The following GRHL2 variants were observed in gnomAD, a reference collection of about 807,000 sequenced individuals.
The protein encoded by GRHL2 is grainyhead like transcription factor 2.
A neutral mutation model predicts 83.8 loss-of-function variants in GRHL2; 21 were observed. That is an observed-to-expected ratio of 0.25 (90% CI 0.18 to 0.36). The LOEUF (loss-of-function observed/expected upper bound fraction) is 0.36, where lower values mean the gene tolerates loss of function less well. Ranked by LOEUF, GRHL2 falls within the 10% of genes least tolerant of loss-of-function variation. The probability of loss-of-function intolerance (pLI) is 1.00; values close to 1 mark genes in which losing one functional copy is unlikely to be tolerated. For missense variants in GRHL2, 623 were observed against 781.8 expected (o/e 0.80, Z 2.42); for synonymous variants, 280 against 278.9 (o/e 1.00, Z -0.04).
intron 2 of GRHL2, among the ~76,000 whole-genome samples, chr8:101,547,204 A>G (rs1015638383): frequency 6.7e-6 from 1 of 149,458 alleles, no homozygotes; most frequent in African/African-American, 2.5e-5. Context: ...TTCTGTAGTC[A>G]AGTGAAATGT....
chr8:101,671,111 A>T (rs554211488), downstream of GRHL2, among the ~76,000 whole-genome samples: 6 of 152,282 alleles, frequency 3.9e-5, no homozygotes, highest in East Asian at 1.2e-3. Context: ...ACGACGGTTG[A>T]TTTCTGTATT....
intron 7 of GRHL2, among the ~76,000 whole-genome samples, chr8:101,592,205 A>G (rs909177195): frequency 6.8e-6 from 1 of 146,880 alleles, no homozygotes; most frequent in Non-Finnish European, 1.5e-5. Flanking sequence ...CCCGGGTTCA[A>G]GCAATTCTCC....
Position 101,608,828 on chromosome 8 carries a change from T to A in GRHL2, c.1098+9677T>A, listed in dbSNP as rs1266074238. ...AGCATGTAGAGAGGTCCTCTTTCTGTGGGATCAGGAAGACACAAGGAAGGA... is the reference window on the plus strand; with the variant it reads ...AGCATGTAGAGAGGTCCTCTTTCTGAGGGATCAGGAAGACACAAGGAAGGA... On this transcript the variant is annotated intron_variant, in intron 8 of 15. Transcript: ENST00000646743. Among the ~76,000 whole-genome samples, 4 of 147,900 alleles carry A rather than the reference T, an allele frequency of 2.7e-5. 1 individual carries two copies. Among genetic ancestry groups the A allele is most frequent in the African/African-American group, 1.0e-4 (4 of 38,214 alleles).
rs551327682 is a variant in GRHL2, at chr8:101,649,451, C to T, written c.1650C>T (p.Phe550=). 5.6e-6 allele frequency: 9 copies of T among 1,613,972 alleles called. No individual in the cohort carries two copies. The highest frequency in any genetic ancestry group is 2.2e-5 in the East Asian group (1 of 44,870). Residue 550 remains phenylalanine, a synonymous_variant, in exon 14 of 16, where the codon TTC becomes TTT. Transcript: ENST00000646743. ...LYVRKETDDV[F]DALMLKSPTV... ...TGAGGAAGGAGACTGACGATGTGTT[C>T]GATGCATTGATGTTGAAGTCTCCCA...
intron 1 of GRHL2, among the ~76,000 whole-genome samples, chr8:101,506,516 A>G (rs1490536148): frequency 1.3e-5 from 2 of 152,200 alleles, no homozygotes; most frequent in African/African-American, 4.8e-5. Context: ...GTACTTTACC[A>G]ATCCCTTAAG....
intron 2 of GRHL2, 76 bp from the exon 3 acceptor site, chr8:101,552,636 GCTT>G: frequency 7.3e-7 from 1 of 1,366,708 alleles, no homozygotes; most frequent in Admixed American, 1.7e-5. Flanking sequence ...TGGTTTCTTT[GCTT>G]ATGCCGGTGT....
intron 12 of GRHL2, among the ~76,000 whole-genome samples, chr8:101,642,752 AT>A (rs1189799531): frequency 6.6e-6 from 1 of 152,188 alleles, no homozygotes; most frequent in Non-Finnish European, 1.5e-5. Flanking sequence ...ACCCTTCCTC[AT>A]TATCTCAGGG....
In GRHL2 at chr8:101,667,203, C is replaced by A. The variant is rs1814088606; in HGVS notation, c.*500C>A. The A allele has an allele frequency of 4.9e-6, 1 of 202,184 alleles. No individual in the cohort carries two copies. The highest frequency in any genetic ancestry group is 1.0e-5 in the Non-Finnish European group (1 of 97,270). The allele number at this position is 202,184 out of a possible 1,614,324, so 12.5% of individuals were successfully genotyped here. On this transcript the variant is annotated 3_prime_UTR_variant, in exon 16 of 16. Transcript: ENST00000646743. ...TGGATGCCCACTTTCTGGTCAGACA[C>A]CTTTAGGTTGCTCTGGGGAAGGCTG...
At position 101,598,691 on chromosome 8, in the gene GRHL2, C is replaced by T. The variant is rs558122856; in HGVS notation, c.1004-366C>T. 7.0e-4 allele frequency among the ~76,000 whole-genome samples: 102 copies of T among 145,546 alleles called. 1 individual carries two copies. Among genetic ancestry groups the T allele is most frequent in the South Asian group, 1.3e-3 (6 of 4,512 alleles). ...AAATTCCATATGAAGTACCCTGGTA[C>T]TTCTAGCAAAATTAAGTGGCAGAAA... On this transcript the variant is annotated intron_variant, in intron 7 of 15. Transcript: ENST00000646743.
chr8:101,542,711 C>T (rs1326184374), intron 1 of GRHL2: 1 of 456,058 alleles, frequency 2.2e-6, no homozygotes, highest in Admixed American at 2.4e-5. Context: ...GCTCACAATT[C>T]TGGAGGCCCA....
chr8:101,516,217 G>A (rs1312444988), intron 1 of GRHL2, among the ~76,000 whole-genome samples: 1 of 151,852 alleles, frequency 6.6e-6, no homozygotes, highest in Admixed American at 6.6e-5. Context: ...ACTGCCTCTG[G>A]GCTGCAGACA....
rs184141990 is a variant in GRHL2 at position 101,614,534 on chromosome 8, A to G, written c.1099-5005A>G. The stretch of plus-strand genomic sequence containing the variant: ...ACGGCATTTATACATCCTTTACATA[A>G]TCAAGGCTTCCACCGAAGTGAAAAA... On this transcript the variant is annotated intron_variant, in intron 8 of 15. Transcript: ENST00000646743. 2.3e-4 allele frequency among the ~76,000 whole-genome samples: 33 copies of G among 143,036 alleles called. No individual in the cohort carries two copies. In the South Asian group the frequency reaches 3.9e-3, roughly 17 times the overall value. 93.8% of individuals were successfully genotyped at this position (143,036 alleles called of 152,430 possible).
chr8:101,514,970 CCTTTT>C (rs1810540168), intron 1 of GRHL2, among the ~76,000 whole-genome samples: 1 of 150,864 alleles, frequency 6.6e-6, no homozygotes, highest in African/African-American at 2.4e-5. Flanking sequence ...TCTTTCCCTT[CCTTTT>C]CTTCTTTCCT....
At position 101,590,322 on chromosome 8, in the gene GRHL2, A is replaced by G. The variant is rs113243668; in HGVS notation, c.1004-8735A>G. 7.3e-3 allele frequency among the ~76,000 whole-genome samples: 1,118 copies of G among 152,298 alleles called. 17 individuals are homozygous for G. Among genetic ancestry groups the G allele is most frequent in the African/African-American group, 0.025 (1,038 of 41,552 alleles). On this transcript the variant is annotated intron_variant, in intron 7 of 15. Transcript: ENST00000646743. ...CTGCTTTGATTTTGAAAACAGACAAAAAAATCTCAGAATCTACTTGGACTA... is the reference window on the plus strand; with the variant it reads ...CTGCTTTGATTTTGAAAACAGACAAGAAAATCTCAGAATCTACTTGGACTA...
intron 14 of GRHL2, among the ~76,000 whole-genome samples, chr8:101,658,416 CTCTAA>C (rs2129742897): frequency 1.3e-5 from 2 of 152,332 alleles, no homozygotes; most frequent in Non-Finnish European, 2.9e-5. Context: ...AGCCTCAGTT[CTCTAA>C]TCTGAGAGAC....
intron 2 of GRHL2, chr8:101,543,804 T>A (rs1410267695): frequency 3.5e-6 from 1 of 286,640 alleles, no homozygotes; most frequent in African/African-American, 2.2e-5. Flanking sequence ...ATTAGTCCAT[T>A]TTCACACTGC....
chr8:101,515,752 A>G (rs1208556862), intron 1 of GRHL2, among the ~76,000 whole-genome samples: 1 of 152,122 alleles, frequency 6.6e-6, no homozygotes, highest in East Asian at 1.9e-4. Flanking sequence ...CGAGTTTCCC[A>G]TTACAAACTC....
chr8:101,509,080 TTTG>T (rs1810396181), intron 1 of GRHL2, among the ~76,000 whole-genome samples: 2 of 151,884 alleles, frequency 1.3e-5, no homozygotes, highest in Non-Finnish European at 2.9e-5. Context: ...TCCCTGTTTG[TTTG>T]TTTTCCTTTC....
downstream of GRHL2, among the ~76,000 whole-genome samples, chr8:101,671,895 ACAGCCACCGCTGTTCTG>A (rs1461524986): frequency 6.6e-6 from 1 of 152,084 alleles, no homozygotes; most frequent in South Asian, 2.1e-4. Context: ...CGACTGTTCT[ACAGCCACCGCTGTTCTG>A]CAGCCACCGC....
Sources: allele counts gnomAD v4.1 joint callset (sites outside exome capture counted in the v4.1 genomes callset), GRCh38; gene constraint gnomAD v4.1.1; transcripts MANE v1.5; gene names NCBI Gene and HGNC (gene_info 2026-07-23, HGNC 2026-07-21).